Variants in TRIM5 observed in about 807,000 individuals in gnomAD.
TRIM5 encodes the protein tripartite motif containing 5.
In TRIM5, 31 loss-of-function variants were observed where a neutral mutation model predicts 35.6. That is an observed-to-expected ratio of 0.87 (90% CI 0.65 to 1.18). The LOEUF (loss-of-function observed/expected upper bound fraction) is 1.18, where lower values mean the gene tolerates loss of function less well. Among genes scored for constraint, TRIM5 ranks in the 50% most tolerant of loss-of-function variants. The pLI is 0.00. For missense variants in TRIM5, 609 were observed against 591.6 expected (o/e 1.03, Z -0.31); for synonymous variants, 243 against 215.6 (o/e 1.13, Z -1.11).
At chr11:5,628,768 G>C in the TRIM5 span, among the ~76,000 whole-genome samples, 1 of 151,612 alleles carries the variant, frequency 6.6e-6, no homozygotes, top group Non-Finnish European at 1.5e-5. Flanking sequence ...CACAGCTCAG[G>C]AGCCCAGAAG....
At chr11:5,602,076 T>C in the TRIM5 span, among the ~76,000 whole-genome samples, 3 of 152,262 alleles carry the variant, frequency 2.0e-5, no homozygotes, top group Non-Finnish European at 4.4e-5. Flanking sequence ...GAACAAAAAG[T>C]CTCAGATCTC....
the TRIM5 span, among the ~76,000 whole-genome samples, chr11:5,602,800 A>G: frequency 2.8e-4 from 43 of 151,406 alleles, no homozygotes; most frequent in African/African-American, 1.0e-3. Flanking sequence ...CTAAAAATAC[A>G]AAAACTAGCC....
the TRIM5 span, among the ~76,000 whole-genome samples, chr11:5,636,895 C>T: frequency 1.2e-4 from 18 of 152,274 alleles, no homozygotes; most frequent in East Asian, 2.5e-3. Context: ...GCCTGTAATC[C>T]CAGCACTTTG....
chr11:5,626,521 T>C, the TRIM5 span: 2 of 152,196 alleles, frequency 1.3e-5, no homozygotes, highest in African/African-American at 4.8e-5. Flanking sequence ...TAATGGTTTT[T>C]CCCACGGGCT....
At chr11:5,651,544 T>C in the TRIM5 span, among the ~76,000 whole-genome samples, 1 of 152,204 alleles carries the variant, frequency 6.6e-6, no homozygotes, top group Non-Finnish European at 1.5e-5. Flanking sequence ...AGTCTATCAT[T>C]GATGGCCATT....
the TRIM5 span, among the ~76,000 whole-genome samples, chr11:5,618,791 G>A: frequency 1.3e-3 from 194 of 152,280 alleles, 4 homozygotes; most frequent in South Asian, 0.039. Context: ...ATTGGACTAT[G>A]AGAGGAAATT....
chr11:5,637,837 CATAG>C, the TRIM5 span, among the ~76,000 whole-genome samples: 1 of 152,174 alleles, frequency 6.6e-6, no homozygotes, highest in Non-Finnish European at 1.5e-5. Context: ...TAAGTGGAAT[CATAG>C]AATATTTGTC....
At chr11:5,639,228 G>A in the TRIM5 span, among the ~76,000 whole-genome samples, 42,988 of 151,896 alleles carry the variant, frequency 0.28, 6,870 homozygotes, top group East Asian at 0.62. Context: ...TTTAACTTAC[G>A]CATTCATCAA....
At chr11:5,657,554 CATTT>C in the TRIM5 span, among the ~76,000 whole-genome samples, 174 of 119,856 alleles carry the variant, frequency 1.5e-3, 2 homozygotes, top group East Asian at 7.8e-3. Context: ...ATATATAATG[CATTT>C]ATATATATTA....
At chr11:5,595,055 C>A in the TRIM5 span, among the ~76,000 whole-genome samples, 5 of 152,176 alleles carry the variant, frequency 3.3e-5, no homozygotes, top group African/African-American at 1.2e-4. Context: ...TCTGCACTTA[C>A]GAGATTCCAA....
the TRIM5 span, among the ~76,000 whole-genome samples, chr11:5,599,952 G>A: frequency 2.2e-4 from 33 of 152,156 alleles, no homozygotes; most frequent in Non-Finnish European, 3.4e-4. Flanking sequence ...GCCTTATAGT[G>A]CAGTGTGCTA....
chr11:5,653,281 T>C, the TRIM5 span, among the ~76,000 whole-genome samples: 123 of 152,280 alleles, frequency 8.1e-4, no homozygotes, highest in Non-Finnish European at 8.2e-4. Flanking sequence ...TCCTGATAGT[T>C]TGAATCTAAT....
chr11:5,589,993 G>A, the TRIM5 span: 170 of 155,958 alleles, frequency 1.1e-3, no homozygotes, highest in African/African-American at 3.9e-3. Context: ...TGCCCTGCCG[G>A]CCCGGGCAAC....
chr11:5,595,600 A>G, the TRIM5 span, among the ~76,000 whole-genome samples: 2 of 152,210 alleles, frequency 1.3e-5, no homozygotes, highest in Non-Finnish European at 2.9e-5. Context: ...GATATTAGAA[A>G]GCTACAGTAC....
chr11:5,621,401 C>T, the TRIM5 span, among the ~76,000 whole-genome samples: 86 of 152,194 alleles, frequency 5.7e-4, no homozygotes, highest in Non-Finnish European at 1.9e-4. Context: ...CCCTTGCCAA[C>T]TCTTGTTAGC....
chr11:5,641,742 T>G, the TRIM5 span, among the ~76,000 whole-genome samples: 6 of 152,354 alleles, frequency 3.9e-5, no homozygotes, highest in African/African-American at 1.4e-4. Flanking sequence ...GAAGCTCCTA[T>G]GGAAAAGTGT....
the TRIM5 span, among the ~76,000 whole-genome samples, chr11:5,641,556 A>C: frequency 6.6e-6 from 1 of 152,146 alleles, no homozygotes; most frequent in African/African-American, 2.4e-5. Context: ...GCCTTGTCAA[A>C]TCCTAAAATA....
Position 5,664,745 on chromosome 11 carries a change from C to A in TRIM5, c.*64G>T. 1 of 1,510,822 alleles carries A rather than the reference C, an allele frequency of 6.6e-7. No homozygotes were observed. The highest frequency in any genetic ancestry group is 1.4e-5 in the South Asian group (1 of 72,048). The allele number at this position is 1,510,822 out of a possible 1,614,324, so 93.6% of individuals were successfully genotyped here. ...ATGGTTAAAATGATGCAAATGAGTTCAGGTGTATGAGATGCACCTGGACAA... is the reference window on the plus strand; with the variant it reads ...ATGGTTAAAATGATGCAAATGAGTTAAGGTGTATGAGATGCACCTGGACAA... On this transcript the variant is annotated 3_prime_UTR_variant, in exon 8 of 8. Transcript: ENST00000380034.
chr11:5,620,093 G>C, the TRIM5 span: 1 of 148,588 alleles, frequency 6.7e-6, no homozygotes. Flanking sequence ...TTTTTTTCCT[G>C]TGACTTTATC....
Sources: gnomAD v4.1 joint callset for allele counts (sites outside exome capture counted in the v4.1 genomes callset) on GRCh38, gnomAD v4.1.1 for gene constraint, MANE v1.5 for transcripts, NCBI Gene and HGNC (gene_info 2026-07-23, HGNC 2026-07-21) for gene names.